Variants in SLC19A1 observed in about 807,000 individuals in gnomAD.
SLC19A1 encodes reduced folate transporter.
Under a neutral mutation model 35.3 loss-of-function variants are expected in SLC19A1, and 37 were observed. That is an observed-to-expected ratio of 1.05 (90% CI 0.81 to 1.38). The LOEUF is 1.38. Ranked by LOEUF, SLC19A1 falls within the 40% of genes most tolerant of loss-of-function variation. The pLI, the probability that SLC19A1 is intolerant of heterozygous loss-of-function variation, is 0.00. For missense variants in SLC19A1, 831 were observed against 826.9 expected (o/e 1.00, Z -0.06); for synonymous variants, 460 against 398.5 (o/e 1.15, Z -1.84).
At chr21:45,554,714 T>G (rs903996964) in intron 1 of SLC19A1, among the ~76,000 whole-genome samples, 2 of 151,096 alleles carry the variant, frequency 1.3e-5, no homozygotes, top group African/African-American at 4.9e-5. Context: ...GATGGACATT[T>G]GGACATCTCC....
chr21:45,510,281 AG>A, downstream of SLC19A1: 1 of 1,585,460 alleles, frequency 6.3e-7, no homozygotes, highest in Non-Finnish European at 8.6e-7. Flanking sequence ...TCCAGTCCTG[AG>A]GGCGCGGGCT....
downstream of SLC19A1, chr21:45,509,204 C>T: frequency 1.9e-6 from 2 of 1,052,284 alleles, no homozygotes; most frequent in Non-Finnish European, 2.7e-6. Flanking sequence ...CTGCTGCCTA[C>T]ACCCCCAGGG....
At position 45,516,071 on chromosome 21, in the gene SLC19A1, G is replaced by T. The variant is rs1335735298; in HGVS notation, c.1363C>A (p.Leu455Met). 3 of 1,596,100 alleles carry T rather than the reference G, an allele frequency of 1.9e-6. No individual in the cohort carries two copies. The Admixed American group carries it at 5.4e-5, about 28-fold the overall frequency. ...TGGTGGCCCCGCTGGCAGTGCCGCAGGCCATCCAGCATGGCCCCCAAGAAG... is the reference window on the plus strand; with the variant it reads ...TGGTGGCCCCGCTGGCAGTGCCGCATGCCATCCAGCATGGCCCCCAAGAAG... The part of the protein sequence containing the change: ...IYFLGAMLDG[L>M]RHCQRGHHPR... The change falls in exon 6 of 6, where the codon CTG (leucine) becomes ATG (methionine). Residue 455 changes from leucine to methionine, a missense_variant. Coordinates refer to ENST00000311124, the MANE Select transcript of SLC19A1 (RefSeq NM_194255.4).
intron 1 of SLC19A1, among the ~76,000 whole-genome samples, chr21:45,551,587 T>C (rs904099655): frequency 8.6e-5 from 13 of 152,042 alleles, no homozygotes; most frequent in Non-Finnish European, 5.9e-5. Context: ...TAGGCAGATG[T>C]TGTTGTTTGT....
At chr21:45,538,682 C>A (rs537501689) in intron 1 of SLC19A1, among the ~76,000 whole-genome samples, 6 of 152,138 alleles carry the variant, frequency 3.9e-5, no homozygotes, top group Non-Finnish European at 7.4e-5. Context: ...TTGAAACACG[C>A]GTGGGAGGGA....
chr21:45,555,752 A>G (rs1398212420), intron 1 of SLC19A1, among the ~76,000 whole-genome samples: 1 of 152,054 alleles, frequency 6.6e-6, no homozygotes, highest in Non-Finnish European at 1.5e-5. Flanking sequence ...CGCTGGCAGA[A>G]AGCGACCCAC....
chr21:45,507,654 G>T, downstream of SLC19A1: 1 of 1,500,158 alleles, frequency 6.7e-7, no homozygotes, highest in Non-Finnish European at 9.2e-7. Flanking sequence ...GGTATGTGCT[G>T]TCCCCTGTTT....
downstream of SLC19A1, chr21:45,509,293 CA>C (rs997544021): frequency 1.8e-5 from 28 of 1,532,574 alleles, no homozygotes; most frequent in African/African-American, 3.7e-4. Context: ...GAGGAGGACA[CA>C]GATGGAGGAG....
chr21:45,539,835 G>A (rs761595170), intron 1 of SLC19A1, among the ~76,000 whole-genome samples: 7 of 152,312 alleles, frequency 4.6e-5, no homozygotes, highest in African/African-American at 9.6e-5. Context: ...AATGGGGGCC[G>A]CAGGGAAGAG....
rs1247814775 is a variant in SLC19A1 at position 45,513,982 on chromosome 21, ACAGCAGGACCTGACTTGCTCC to A, written c.*1655_*1675del. 1 of 152,340 alleles carries A rather than the reference ACAGCAGGACCTGACTTGCTCC, an allele frequency of 6.6e-6. No homozygotes were observed. Among genetic ancestry groups the A allele is most frequent in the African/African-American group, 2.4e-5 (1 of 41,452 alleles). The allele number at this position is 152,340 out of a possible 1,614,324, so 9.4% of individuals were successfully genotyped here. A position where few individuals can be genotyped will look rare whatever the true frequency, so the allele number is the denominator to read the frequency against. The stretch of plus-strand genomic sequence containing the variant: ...CACCAACACTCTTAGGTCTCTCCTC[ACAGCAGGACCTGACTTGCTCC>A]CAGCAACACTACATCCTGACAGCCA... On this transcript the variant is annotated 3_prime_UTR_variant, in exon 6 of 6. Transcript: ENST00000311124.
In SLC19A1 at chr21:45,515,827, AATT is replaced by A; in HGVS notation, c.1604_1606del (p.Glu535_Phe536delinsVal). 6.2e-7 allele frequency: 1 copy of A among 1,607,566 alleles called. No individual in the cohort carries two copies. Among genetic ancestry groups the A allele is most frequent in the Non-Finnish European group, 8.5e-7 (1 of 1,175,838 alleles). ...GGAAGGGGTTGTCACTGGGCTCAGG[AATT>A]CAGCTGCCTGCGGGGCCGGGGCCTG... is the stretch of plus-strand genomic sequence containing the variant. On this transcript the variant is annotated inframe_deletion, in exon 6 of 6. Transcript: ENST00000311124.
intron 3 of SLC19A1, chr21:45,506,162 C>T: frequency 1.3e-6 from 1 of 750,564 alleles, no homozygotes; most frequent in East Asian, 2.8e-5. Flanking sequence ...GAAAAGTGAG[C>T]TCAAGCTTCT....
At chr21:45,542,334 C>G (rs1337063802) in intron 1 of SLC19A1, 34 bp downstream of exon 1, 1 of 151,776 alleles carries the variant, frequency 6.6e-6, no homozygotes, top group Non-Finnish European at 1.5e-5. Flanking sequence ...CAGCCCCCGA[C>G]ACGCGGCCCC....
intron 1 of SLC19A1, among the ~76,000 whole-genome samples, chr21:45,555,297 AGGGGGCGGC>A (rs1258949858): frequency 3.8e-3 from 1 of 260 alleles, no homozygotes; most frequent in Non-Finnish European, 7.2e-3. Context: ...GGGGCGGCGC[AGGGGGCGGC>A]GGGGGCGGCG....
At chr21:45,505,388 CTGGGCCCCCT>C (rs1247639677) in intron 3 of SLC19A1, 5 of 1,571,792 alleles carry the variant, frequency 3.2e-6, no homozygotes, top group Non-Finnish European at 4.4e-6. Context: ...CCGGGCCCCC[CTGGGCCCCCT>C]GGGCCCCCTG....
At chr21:45,505,501 C>T (rs1184295533) in intron 3 of SLC19A1, 12 of 843,978 alleles carry the variant, frequency 1.4e-5, no homozygotes, top group South Asian at 4.3e-5. Context: ...CCCTGCCCCT[C>T]AGAGACACTC....
intron 1 of SLC19A1, among the ~76,000 whole-genome samples, chr21:45,541,396 AGG>A (rs2078298353): frequency 6.6e-6 from 1 of 152,212 alleles, no homozygotes; most frequent in Non-Finnish European, 1.5e-5. Flanking sequence ...GGGTCTCCGT[AGG>A]GGGAGGCCAC....
chr21:45,518,804 G>A (rs576300263), intron 5 of SLC19A1, among the ~76,000 whole-genome samples: 1 of 152,228 alleles, frequency 6.6e-6, no homozygotes, highest in East Asian at 1.9e-4. Context: ...ACTCACAGAT[G>A]AAGAAAAACT....
At chr21:45,531,325 G>C (rs944174021) in intron 3 of SLC19A1, 64 bp downstream of exon 3, 1 of 1,525,400 alleles carries the variant, frequency 6.6e-7, no homozygotes, top group African/African-American at 1.4e-5. Flanking sequence ...AGGATCCACG[G>C]GGCAGGCGGA....
Sources: gnomAD v4.1 joint callset for allele counts (sites outside exome capture counted in the v4.1 genomes callset) on GRCh38, gnomAD v4.1.1 for gene constraint, MANE v1.5 for transcripts, NCBI Gene and HGNC (gene_info 2026-07-23, HGNC 2026-07-21) for gene names.